The following DOCK4 variants were observed in gnomAD, a reference collection of about 807,000 sequenced individuals.
DOCK4 encodes the protein dedicator of cytokinesis 4.
Under a neutral mutation model 268.1 loss-of-function variants are expected in DOCK4, and 97 were observed. The ratio of observed to expected loss-of-function variants is 0.36; its 90% CI spans 0.31 to 0.43. The LOEUF (loss-of-function observed/expected upper bound fraction) is 0.43, where lower values mean the gene tolerates loss of function less well. Among genes scored for constraint, DOCK4 ranks in the 20% least tolerant of loss-of-function variants. DOCK4 has a pLI of 1.00. For missense variants in DOCK4, 2,145 were observed against 2,455.7 expected (o/e 0.87, Z 2.67); for synonymous variants, 954 against 887.2 (o/e 1.08, Z -1.34).
Position 111,895,734 on chromosome 7 carries a change from T to C in DOCK4, c.1481-16A>G, listed in dbSNP as rs1172357970. The C allele has an allele frequency of 6.2e-7, 1 of 1,608,378 alleles. No homozygotes were observed. ...TTCTCCTTTGCTGTAAAAAACAAAT[T>C]ACTTGCTTATTTAAGTGTATCTATG... On this transcript the variant is annotated splice_polypyrimidine_tract_variant and intron_variant, in intron 15 of 52. Transcript: ENST00000428084.
At chr7:112,076,795 T>C (rs904210030) in intron 1 of DOCK4, among the ~76,000 whole-genome samples, 2 of 152,190 alleles carry the variant, frequency 1.3e-5, no homozygotes, top group African/African-American at 4.8e-5. Context: ...ATTTGCAGAC[T>C]ATAATGTAGG....
intron 30 of DOCK4, among the ~76,000 whole-genome samples, chr7:111,805,120 C>T (rs1800579462): frequency 1.3e-5 from 2 of 152,270 alleles, no homozygotes; most frequent in African/African-American, 2.4e-5. Context: ...CTGTGGAGGA[C>T]TATTTGTTGT....
intron 1 of DOCK4, 79 bp from the exon 2 acceptor site, chr7:112,004,210 A>G (rs1036361621): frequency 1.9e-6 from 2 of 1,055,098 alleles, no homozygotes; most frequent in African/African-American, 1.6e-5. Context: ...ACTAGGAAAA[A>G]TGAATATAAA....
intron 1 of DOCK4, among the ~76,000 whole-genome samples, chr7:112,101,203 A>G (rs552205567): frequency 2.4e-4 from 36 of 152,338 alleles, no homozygotes; most frequent in African/African-American, 6.0e-4. Flanking sequence ...TCACAGGCAG[A>G]CGGATCCTTG....
chr7:112,007,461 G>C (rs1393184636), intron 1 of DOCK4, among the ~76,000 whole-genome samples: 1 of 152,114 alleles, frequency 6.6e-6, no homozygotes. Flanking sequence ...ATATTGGAGA[G>C]GAATATTTTT....
In DOCK4 at chr7:111,944,887, G is replaced by A; in HGVS notation, c.784-16C>T. The A allele has an allele frequency of 6.2e-7, 1 of 1,613,754 alleles. No homozygotes were observed. The highest frequency in any genetic ancestry group is 8.5e-7 in the Non-Finnish European group (1 of 1,179,720). On this transcript the variant is annotated splice_polypyrimidine_tract_variant and intron_variant, in intron 9 of 52. Coordinates refer to ENST00000428084, the MANE Select transcript of DOCK4 (RefSeq NM_001363540.2). ...TGCCCAAATCCTACAAACAAAGAAA[G>A]TTTGGTTATTTTGGAAGACATGAGC...
At chr7:111,741,400 G>T in intron 46 of DOCK4, 140 bp downstream of exon 46, 1 of 1,393,226 alleles carries the variant, frequency 7.2e-7, no homozygotes, top group Non-Finnish European at 9.8e-7. Context: ...TGGTGGCAGA[G>T]GTCTGCAGCT....
intron 16 of DOCK4, among the ~76,000 whole-genome samples, chr7:111,877,421 A>G (rs1806993317): frequency 1.3e-5 from 2 of 152,176 alleles, no homozygotes; most frequent in South Asian, 4.1e-4. Flanking sequence ...CATGTGAGTG[A>G]CCATATCAAA....
intron 1 of DOCK4, among the ~76,000 whole-genome samples, chr7:112,030,113 C>T (rs1803146889): frequency 6.6e-6 from 1 of 152,160 alleles, no homozygotes; most frequent in Non-Finnish European, 1.5e-5. Flanking sequence ...TCCTACTGAA[C>T]AATATAGAGG....
chr7:112,132,537 T>G (rs1056934754), intron 1 of DOCK4, among the ~76,000 whole-genome samples: 1 of 151,520 alleles, frequency 6.6e-6, no homozygotes, highest in Non-Finnish European at 1.5e-5. Context: ...ATGCCTGCCC[T>G]GAAAGGACCT....
At chr7:111,828,856 T>C (rs1054163210) in intron 26 of DOCK4, among the ~76,000 whole-genome samples, 11 of 148,484 alleles carry the variant, frequency 7.4e-5, no homozygotes, top group Admixed American at 1.3e-4. Flanking sequence ...TATAAATAAT[T>C]ATATTAACAC....
chr7:112,180,086 G>C (rs1818890508), intron 1 of DOCK4, among the ~76,000 whole-genome samples: 1 of 146,654 alleles, frequency 6.8e-6, no homozygotes, highest in African/African-American at 2.6e-5. Context: ...AAAATTAATA[G>C]CTTCAAAGTC....
At position 111,851,234 on chromosome 7, in the gene DOCK4, G is replaced by A. The variant is rs144588719; in HGVS notation, c.2474-4108C>T. Among the ~76,000 whole-genome samples, 810 of 152,180 alleles carry A rather than the reference G, an allele frequency of 5.3e-3. 6 individuals carry two copies. Among genetic ancestry groups the A allele is most frequent in the African/African-American group, 0.018 (738 of 41,518 alleles). ...CTGAGACGGGTGGATCACGAGGTCA[G>A]GAGATTGAGCCCATGCTGGCTAACA... On this transcript the variant is annotated intron_variant, in intron 23 of 52. Transcript: ENST00000428084.
intron 41 of DOCK4, among the ~76,000 whole-genome samples, chr7:111,757,041 G>A (rs900359115): frequency 1.3e-5 from 2 of 151,984 alleles, no homozygotes; most frequent in Admixed American, 6.6e-5. Flanking sequence ...GGAGGAGAGT[G>A]GGGGTAGCAG....
chr7:111,842,095 C>A (rs1299961105), intron 25 of DOCK4, among the ~76,000 whole-genome samples: 1 of 152,182 alleles, frequency 6.6e-6, no homozygotes, highest in Admixed American at 6.5e-5. Context: ...TCCTCTTCCA[C>A]GTTGAAAGTG....
At chr7:111,857,703 C>T (rs962719301) in intron 23 of DOCK4, among the ~76,000 whole-genome samples, 3 of 152,182 alleles carry the variant, frequency 2.0e-5, no homozygotes, top group African/African-American at 7.2e-5. Flanking sequence ...GATCTGACCT[C>T]GCGAAGTCCG....
chr7:111,894,695 T>C (rs907036497), intron 16 of DOCK4, among the ~76,000 whole-genome samples: 2 of 152,122 alleles, frequency 1.3e-5, no homozygotes, highest in East Asian at 1.9e-4. Context: ...AGAACCAGAA[T>C]GTGCTGGATG....
At chr7:112,141,570 A>G (rs572469794) in intron 1 of DOCK4, among the ~76,000 whole-genome samples, 6 of 152,300 alleles carry the variant, frequency 3.9e-5, no homozygotes. Context: ...ACTCCTGCCC[A>G]AGGATTTCCT....
At chr7:111,949,682 TTC>T (rs1795900084) in intron 8 of DOCK4, among the ~76,000 whole-genome samples, 1 of 151,710 alleles carries the variant, frequency 6.6e-6, no homozygotes, top group East Asian at 1.9e-4. Context: ...ATAAAAAAAA[TTC>T]TTTTTATTCA....
Sources: allele counts gnomAD v4.1 joint callset (sites outside exome capture counted in the v4.1 genomes callset), GRCh38; gene constraint gnomAD v4.1.1; transcripts MANE v1.5; gene names NCBI Gene and HGNC (gene_info 2026-07-23, HGNC 2026-07-21).